OTUD7A: variants seen among roughly 807,000 people sequenced by gnomAD.
OTUD7A encodes OTU deubiquitinase 7A, also known as OTU domain-containing protein 7A.
A neutral mutation model predicts 65.7 loss-of-function variants in OTUD7A; 12 were observed. The observed-to-expected ratio is 0.18, with a 90% confidence interval of 0.12 to 0.30. The LOEUF (loss-of-function observed/expected upper bound fraction) is 0.30. OTUD7A is among the 10% of genes least tolerant of loss of function. The pLI is 1.00. For missense variants in OTUD7A, 1,148 were observed against 1,304.8 expected, an observed-to-expected ratio of 0.88 and a Z score of 1.85; for synonymous variants, 641 against 586.3, an observed-to-expected ratio of 1.09 and a Z score of -1.35.
chr15:31,566,931 C>T (rs1247554854), intron 4 of OTUD7A, among the ~76,000 whole-genome samples: 3 of 152,208 alleles, frequency 2.0e-5, no homozygotes, highest in Admixed American at 6.5e-5. Flanking sequence ...GCCTGCAGAA[C>T]CATGAGCCAA....
chr15:31,775,775 G>A (rs750394767), intron 1 of OTUD7A, among the ~76,000 whole-genome samples: 4 of 152,136 alleles, frequency 2.6e-5, no homozygotes, highest in African/African-American at 4.8e-5. Context: ...GGCAGGAGGC[G>A]AGAAAGGGAA....
At chr15:31,797,985 G>C (rs750373850) in intron 1 of OTUD7A, among the ~76,000 whole-genome samples, 3 of 152,160 alleles carry the variant, frequency 2.0e-5, no homozygotes, top group Non-Finnish European at 4.4e-5. Flanking sequence ...CTTCTTGGTT[G>C]GGAGACACCC....
At chr15:31,658,547 C>T (rs1183683236) in intron 1 of OTUD7A, among the ~76,000 whole-genome samples, 3 of 152,064 alleles carry the variant, frequency 2.0e-5, no homozygotes, top group African/African-American at 7.2e-5. Flanking sequence ...ACTATGAGCC[C>T]CCTGAGCCTT....
chr15:31,593,934 A>C (rs896222914), intron 3 of OTUD7A, among the ~76,000 whole-genome samples: 2 of 152,168 alleles, frequency 1.3e-5, no homozygotes, highest in African/African-American at 2.4e-5. Flanking sequence ...AGCCAGAGTT[A>C]ACTTGCAAGT....
At chr15:31,841,789 T>G (rs1897188587) in intron 1 of OTUD7A, among the ~76,000 whole-genome samples, 1 of 152,160 alleles carries the variant, frequency 6.6e-6, no homozygotes, top group Admixed American at 6.5e-5. Flanking sequence ...GAAACCTTAT[T>G]CTAGCTTCTA....
chr15:31,696,801 G>A (rs957678550), intron 1 of OTUD7A, among the ~76,000 whole-genome samples: 1 of 151,490 alleles, frequency 6.6e-6, no homozygotes, highest in African/African-American at 2.4e-5. Flanking sequence ...CTAGGTGTCT[G>A]CAGCCTTTCA....
At position 31,843,991 on chromosome 15, in the gene OTUD7A, T is replaced by C. The variant is rs184515675; in HGVS notation, c.-100+26516A>G. 2.9e-3 allele frequency among the ~76,000 whole-genome samples: 446 copies of C among 152,320 alleles called. 3 individuals carry two copies. Among genetic ancestry groups the C allele is most frequent in the African/African-American group, 0.01 (417 of 41,578 alleles). ...GGGAGCAGGGCCACACCTTCAAGTTTTCCAATCAATCAGACCTCATTAATT... is the reference window on the plus strand; with the variant it reads ...GGGAGCAGGGCCACACCTTCAAGTTCTCCAATCAATCAGACCTCATTAATT... On this transcript the variant is annotated intron_variant, in intron 1 of 12. Coordinates refer to ENST00000307050, the MANE Select transcript of OTUD7A (RefSeq NM_001382637.1).
chr15:31,512,009 C>T (rs2041760461), intron 8 of OTUD7A, among the ~76,000 whole-genome samples: 1 of 152,098 alleles, frequency 6.6e-6, no homozygotes, highest in African/African-American at 2.4e-5. Flanking sequence ...TATTTTACCA[C>T]CTCCCATGGC....
intron 1 of OTUD7A, among the ~76,000 whole-genome samples, chr15:31,657,707 C>G (rs2141280639): frequency 6.6e-6 from 1 of 152,232 alleles, no homozygotes; most frequent in Non-Finnish European, 1.5e-5. Context: ...TCACCACACC[C>G]TCACATTCAT....
chr15:31,610,617 A>ATATATATTTTTTTTTT, intron 3 of OTUD7A, among the ~76,000 whole-genome samples: 1 of 30,560 alleles, frequency 3.3e-5, no homozygotes, highest in African/African-American at 1.7e-4. Flanking sequence ...ATATATATAT[A>ATATATATTTTTTTTTT]TTTTTTTTTT....
chr15:31,669,682 A>G (rs1281374500), intron 1 of OTUD7A, among the ~76,000 whole-genome samples: 2 of 152,100 alleles, frequency 1.3e-5, no homozygotes, highest in Non-Finnish European at 2.9e-5. Flanking sequence ...CACCCAGTTC[A>G]AATTGTTACA....
intron 1 of OTUD7A, among the ~76,000 whole-genome samples, chr15:31,711,760 A>G (rs2654057): frequency 1.7e-5 from 2 of 116,230 alleles, no homozygotes; most frequent in South Asian, 6.6e-4. Context: ...TATTGGAAAT[A>G]AAGGAGAAGA....
intron 1 of OTUD7A, among the ~76,000 whole-genome samples, chr15:31,799,715 C>A (rs1896068927): frequency 6.6e-6 from 1 of 152,146 alleles, no homozygotes; most frequent in Non-Finnish European, 1.5e-5. Context: ...ATATACCACT[C>A]ACTCTGTAGT....
intron 1 of OTUD7A, among the ~76,000 whole-genome samples, chr15:31,792,879 T>C (rs1895855588): frequency 1.3e-5 from 2 of 152,176 alleles, no homozygotes; most frequent in African/African-American, 4.8e-5. Context: ...GTGGGAGGGA[T>C]ACAGACTAGT....
At chr15:31,845,935 C>A (rs762182322) in intron 1 of OTUD7A, among the ~76,000 whole-genome samples, 1 of 152,220 alleles carries the variant, frequency 6.6e-6, no homozygotes, top group Non-Finnish European at 1.5e-5. Context: ...GGCCTGGGGT[C>A]TGATAAGGAG....
At position 31,480,085 on chromosome 15, in the gene OTUD7A, CTCCAGTT is replaced by C. The variant is rs1400540334; in HGVS notation, c.*3202_*3208del. The C allele has an allele frequency of 6.6e-6, 1 of 152,220 alleles. No individual in the cohort carries two copies. Among genetic ancestry groups the C allele is most frequent in the African/African-American group, 2.4e-5 (1 of 41,456 alleles). The allele number at this position is 152,220 out of a possible 1,614,324, so 9.4% of individuals were successfully genotyped here. A position where few individuals can be genotyped will look rare whatever the true frequency, so the allele number is the denominator to read the frequency against. ...AGCCCACAGTGGAGCTCCTTCCCAC[CTCCAGTT>C]ACCCTTCCAAGGGACAACCCTGTGG... On this transcript the variant is annotated 3_prime_UTR_variant, in exon 13 of 13. Transcript: ENST00000307050.
At chr15:31,660,299 T>C (rs1892126025) in intron 1 of OTUD7A, among the ~76,000 whole-genome samples, 1 of 152,194 alleles carries the variant, frequency 6.6e-6, no homozygotes, top group Non-Finnish European at 1.5e-5. Flanking sequence ...ATGTCAACAT[T>C]CCAAGAGCCT....
intron 3 of OTUD7A, among the ~76,000 whole-genome samples, chr15:31,594,492 G>C (rs1889845156): frequency 6.6e-6 from 1 of 152,180 alleles, no homozygotes. Flanking sequence ...GTGTATGCCA[G>C]GGTTAGCAGT....
intron 3 of OTUD7A, among the ~76,000 whole-genome samples, chr15:31,633,097 T>C (rs1450381642): frequency 6.6e-6 from 1 of 152,252 alleles, no homozygotes; most frequent in African/African-American, 2.4e-5. Context: ...CTTGCCCTGC[T>C]TCGGCCCACG....
Sources: gnomAD v4.1 joint callset for allele counts (sites outside exome capture counted in the v4.1 genomes callset) on GRCh38, gnomAD v4.1.1 for gene constraint, MANE v1.5 for transcripts, NCBI Gene and HGNC (gene_info 2026-07-23, HGNC 2026-07-21) for gene names.